The following CNTNAP2 variants were observed in gnomAD, a reference collection of about 807,000 sequenced individuals.
CNTNAP2 encodes the protein contactin associated protein 2, also known as contactin-associated protein-like 2.
Under a neutral mutation model 155.2 loss-of-function variants are expected in CNTNAP2, and 98 were observed. That is an observed-to-expected ratio of 0.63 (90% CI 0.54 to 0.75). The LOEUF is 0.75. CNTNAP2 is among the 30% of genes least tolerant of loss of function. CNTNAP2 has a pLI of 0.00. For missense variants in CNTNAP2, 1,727 were observed against 1,688.1 expected, an observed-to-expected ratio of 1.02 and a Z score of -0.40; for synonymous variants, 651 against 631.2, an observed-to-expected ratio of 1.03 and a Z score of -0.47.
intron 21 of CNTNAP2, among the ~76,000 whole-genome samples, chr7:148,334,370 A>G (rs1798081595): frequency 6.6e-6 from 1 of 152,212 alleles, no homozygotes; most frequent in Admixed American, 6.5e-5. Flanking sequence ...GTGACAGTCA[A>G]TCGGGTGGCC....
At chr7:147,669,436 T>C (rs1795751614) in intron 13 of CNTNAP2, among the ~76,000 whole-genome samples, 1 of 152,232 alleles carries the variant, frequency 6.6e-6, no homozygotes. Context: ...AGTCCCAAAG[T>C]GGAATTCTTG....
chr7:147,833,043 C>A (rs1252181929), intron 13 of CNTNAP2, among the ~76,000 whole-genome samples: 2 of 150,190 alleles, frequency 1.3e-5, no homozygotes, highest in Admixed American at 1.3e-4. Context: ...TATAATCAAG[C>A]TGAAAAGAGT....
intron 4 of CNTNAP2, among the ~76,000 whole-genome samples, chr7:147,070,501 A>G: frequency 6.6e-6 from 1 of 152,344 alleles, no homozygotes; most frequent in East Asian, 1.9e-4. Context: ...CAGTCTGATC[A>G]GAAGTTGGGT....
intron 15 of CNTNAP2, among the ~76,000 whole-genome samples, chr7:148,054,909 G>A (rs1448442384): frequency 6.9e-6 from 1 of 145,494 alleles, no homozygotes; most frequent in Non-Finnish European, 1.5e-5. Context: ...CTGAGATGGA[G>A]TCTCACTCTG....
intron 8 of CNTNAP2, among the ~76,000 whole-genome samples, chr7:147,217,850 C>G (rs1300423842): frequency 6.6e-6 from 1 of 151,926 alleles, no homozygotes; most frequent in Non-Finnish European, 1.5e-5. Context: ...TTCAAATTCT[C>G]TATTTTTGCT....
chr7:148,080,836 T>G (rs774430916), intron 15 of CNTNAP2, among the ~76,000 whole-genome samples: 1 of 152,122 alleles, frequency 6.6e-6, no homozygotes, highest in Non-Finnish European at 1.5e-5. Context: ...GTGGGGATCT[T>G]GTTTGCAGAT....
At chr7:147,525,948 T>C (rs1477152164) in intron 11 of CNTNAP2, among the ~76,000 whole-genome samples, 1 of 152,032 alleles carries the variant, frequency 6.6e-6, no homozygotes, top group Admixed American at 6.6e-5. Flanking sequence ...ATCCCAGCAC[T>C]TCGGAAGGTT....
At chr7:148,392,170 T>C (rs1799365722) in intron 22 of CNTNAP2, among the ~76,000 whole-genome samples, 1 of 141,910 alleles carries the variant, frequency 7.0e-6, no homozygotes, top group South Asian at 2.1e-4. Flanking sequence ...ACCTCCGGGG[T>C]ACAAGCAATT....
chr7:148,148,291 C>A (rs1009866825), intron 17 of CNTNAP2, among the ~76,000 whole-genome samples: 1 of 152,148 alleles, frequency 6.6e-6, no homozygotes, highest in South Asian at 2.1e-4. Context: ...GAAGTGGATC[C>A]AGACACCCAG....
chr7:147,153,802 G>A (rs751863993), intron 8 of CNTNAP2, among the ~76,000 whole-genome samples: 1 of 152,118 alleles, frequency 6.6e-6, no homozygotes, highest in Non-Finnish European at 1.5e-5. Flanking sequence ...ATTGTAAAAG[G>A]TCATTCTGAC....
chr7:146,689,938 G>A (rs572103212), intron 1 of CNTNAP2, among the ~76,000 whole-genome samples: 10 of 151,860 alleles, frequency 6.6e-5, no homozygotes, highest in African/African-American at 2.4e-4. Flanking sequence ...CCCCCTGTAG[G>A]AAGAGGAATG....
At chr7:147,709,367 CA>C (rs1796368984) in intron 13 of CNTNAP2, among the ~76,000 whole-genome samples, 1 of 152,200 alleles carries the variant, frequency 6.6e-6, no homozygotes, top group Non-Finnish European at 1.5e-5. Flanking sequence ...AAAACTCTTG[CA>C]ATCCTAACTC....
At chr7:146,879,963 G>A (rs1795508613) in intron 3 of CNTNAP2, among the ~76,000 whole-genome samples, 1 of 152,002 alleles carries the variant, frequency 6.6e-6, no homozygotes, top group Non-Finnish European at 1.5e-5. Context: ...CAAGAGCCAA[G>A]TGAAAGGGGT....
intron 18 of CNTNAP2, among the ~76,000 whole-genome samples, chr7:148,192,758 T>G (rs1795220738): frequency 6.6e-6 from 1 of 152,222 alleles, no homozygotes; most frequent in South Asian, 2.1e-4. Flanking sequence ...TTAATTCATG[T>G]TTTCTTAACT....
intron 1 of CNTNAP2, among the ~76,000 whole-genome samples, chr7:146,200,502 A>G (rs528547216): frequency 5.1e-5 from 6 of 118,540 alleles, no homozygotes; most frequent in South Asian, 3.1e-4. Flanking sequence ...AAACATATAT[A>G]TATATATACA....
intron 1 of CNTNAP2, among the ~76,000 whole-genome samples, chr7:146,644,788 T>A (rs1799780543): frequency 6.6e-6 from 1 of 152,130 alleles, no homozygotes; most frequent in Non-Finnish European, 1.5e-5. Context: ...CAGGAAGAAG[T>A]TGACTCTCTG....
At chr7:147,949,765 G>T (rs961354742) in intron 14 of CNTNAP2, among the ~76,000 whole-genome samples, 3 of 152,102 alleles carry the variant, frequency 2.0e-5, no homozygotes, top group African/African-American at 7.2e-5. Context: ...CTGGGCTGCA[G>T]GTCAGGAAAC....
chr7:147,220,644 G>A (rs2116592808), intron 8 of CNTNAP2, among the ~76,000 whole-genome samples: 1 of 152,160 alleles, frequency 6.6e-6, no homozygotes, highest in African/African-American at 2.4e-5. Flanking sequence ...TCTGCCTTTT[G>A]TAGTTTCAAT....
At chr7:146,897,214 A>T (rs982457525) in intron 3 of CNTNAP2, among the ~76,000 whole-genome samples, 16 of 152,084 alleles carry the variant, frequency 1.1e-4, no homozygotes, top group African/African-American at 3.4e-4. Context: ...CTCAGTGTCT[A>T]TTTTACCTGT....
Sources: gnomAD v4.1 joint callset for allele counts (sites outside exome capture counted in the v4.1 genomes callset) on GRCh38, gnomAD v4.1.1 for gene constraint, MANE v1.5 for transcripts, NCBI Gene and HGNC (gene_info 2026-07-23, HGNC 2026-07-21) for gene names.